The following HDGFL3 variants were observed in gnomAD, a reference collection of about 807,000 sequenced individuals.
HDGFL3 encodes HDGF like 3, also known as hepatoma-derived growth factor-related protein 3.
A neutral mutation model predicts 27.6 loss-of-function variants in HDGFL3; 6 were observed. The observed-to-expected ratio is 0.22, with a 90% confidence interval of 0.12 to 0.43. HDGFL3 has a LOEUF of 0.43. Among genes scored for constraint, HDGFL3 ranks in the 20% least tolerant of loss-of-function variants. The probability of loss-of-function intolerance (pLI) is 1.00; values close to 1 mark genes in which losing one functional copy is unlikely to be tolerated. For missense variants in HDGFL3, 207 were observed against 250.1 expected (o/e 0.83, Z 1.16); for synonymous variants, 88 against 88.9 (o/e 0.99, Z 0.05).
At chr15:83,181,711 A>C (rs1030444821) in intron 1 of HDGFL3, among the ~76,000 whole-genome samples, 7 of 152,188 alleles carry the variant, frequency 4.6e-5, no homozygotes, top group Non-Finnish European at 1.0e-4. Context: ...CCTGACCCCA[A>C]GTGATCTGCC....
downstream of HDGFL3, chr15:83,126,796 G>A (rs1356161754): frequency 5.6e-6 from 9 of 1,613,728 alleles, no homozygotes; most frequent in Non-Finnish European, 7.6e-6. Flanking sequence ...GATTATATAC[G>A]CAATTTCAAG....
At chr15:83,199,972 G>C (rs1188397095) in intron 1 of HDGFL3, among the ~76,000 whole-genome samples, 1 of 149,542 alleles carries the variant, frequency 6.7e-6, no homozygotes, top group East Asian at 2.0e-4. Flanking sequence ...TTAAACTCAG[G>C]AGGCAGAGGA....
intron 1 of HDGFL3, among the ~76,000 whole-genome samples, chr15:83,200,918 C>T (rs904060129): frequency 1.4e-5 from 2 of 146,172 alleles, no homozygotes; most frequent in Admixed American, 6.9e-5. Flanking sequence ...TGGTTATTTA[C>T]CAGACTAAAT....
chr15:83,173,198 C>T (rs563507277), intron 1 of HDGFL3, among the ~76,000 whole-genome samples: 1 of 152,314 alleles, frequency 6.6e-6, no homozygotes, highest in South Asian at 2.1e-4. Context: ...TATAATGTTG[C>T]TAAATTCATA....
At chr15:83,141,780 G>A (rs1265505536) in intron 5 of HDGFL3, among the ~76,000 whole-genome samples, 1 of 152,144 alleles carries the variant, frequency 6.6e-6, no homozygotes, top group Non-Finnish European at 1.5e-5. Context: ...GATGAGATAG[G>A]TAGTGATATT....
chr15:83,143,813 A>G (rs568443792), intron 5 of HDGFL3, among the ~76,000 whole-genome samples: 47 of 152,276 alleles, frequency 3.1e-4, no homozygotes, highest in African/African-American at 1.1e-3. Flanking sequence ...GCATGGCCAC[A>G]TGGTAAATCG....
intron 1 of HDGFL3, among the ~76,000 whole-genome samples, chr15:83,171,983 C>T (rs1266145386): frequency 6.6e-6 from 1 of 152,136 alleles, no homozygotes; most frequent in African/African-American, 2.4e-5. Flanking sequence ...TTAAATTTAT[C>T]AACAAAATAC....
intron 4 of HDGFL3, among the ~76,000 whole-genome samples, chr15:83,153,190 T>C (rs891851578): frequency 1.3e-5 from 2 of 151,762 alleles, no homozygotes; most frequent in Admixed American, 6.6e-5. Flanking sequence ...TTAGTAGAGA[T>C]GGGGTTTCAC....
chr15:83,191,935 CTT>C (rs749998701), intron 1 of HDGFL3, among the ~76,000 whole-genome samples: 9 of 106,700 alleles, frequency 8.4e-5, no homozygotes, highest in African/African-American at 2.6e-4. Context: ...CTTATCTCTC[CTT>C]TTTTTTTTTT....
intron 5 of HDGFL3, among the ~76,000 whole-genome samples, chr15:83,143,170 G>A (rs1049530865): frequency 6.6e-6 from 1 of 151,922 alleles, no homozygotes; most frequent in Admixed American, 6.5e-5. Flanking sequence ...ATGCCACCAC[G>A]CCCAGCTAAT....
At chr15:83,181,456 G>T (rs942164756) in intron 1 of HDGFL3, among the ~76,000 whole-genome samples, 1 of 152,064 alleles carries the variant, frequency 6.6e-6, no homozygotes, top group Non-Finnish European at 1.5e-5. Flanking sequence ...AAACCTCCAG[G>T]GTTTATCCTT....
exon 4 of HDGFL3, chr15:83,113,084 C>G (rs2034339822): frequency 1.7e-6 from 1 of 602,340 alleles, no homozygotes; most frequent in Non-Finnish European, 3.0e-6. Context: ...GCAGTGGACT[C>G]CACCCTCTCC....
At chr15:83,194,530 GATT>G (rs2151421063) in intron 1 of HDGFL3, among the ~76,000 whole-genome samples, 1 of 152,248 alleles carries the variant, frequency 6.6e-6, no homozygotes, top group Admixed American at 6.5e-5. Context: ...CACTTAAAAT[GATT>G]ATTAAGATGG....
chr15:83,115,423 C>A (rs2034568398), exon 4 of HDGFL3: 1 of 336,072 alleles, frequency 3.0e-6, no homozygotes, highest in Non-Finnish European at 5.8e-6. Flanking sequence ...CAGCCTGAAT[C>A]ATTGTCTTAA....
At chr15:83,140,107 T>C (rs2036738459) in intron 5 of HDGFL3, among the ~76,000 whole-genome samples, 1 of 152,202 alleles carries the variant, frequency 6.6e-6, no homozygotes, top group African/African-American at 2.4e-5. Flanking sequence ...TGAACATGTT[T>C]GTAAGCACAT....
chr15:83,140,478 A>T (rs1460325894), intron 5 of HDGFL3, among the ~76,000 whole-genome samples: 1 of 108,958 alleles, frequency 9.2e-6, no homozygotes, highest in Non-Finnish European at 1.7e-5. Context: ...TCAACCAAAG[A>T]AAGTTTTTTT....
intron 1 of HDGFL3, among the ~76,000 whole-genome samples, chr15:83,165,097 A>T (rs2037153519): frequency 6.6e-6 from 1 of 152,188 alleles, no homozygotes; most frequent in South Asian, 2.1e-4. Context: ...CTTACATAGA[A>T]ATGCTTTCTG....
chr15:83,169,554 C>A (rs909056040), intron 1 of HDGFL3, among the ~76,000 whole-genome samples: 1 of 151,494 alleles, frequency 6.6e-6, no homozygotes, highest in African/African-American at 2.4e-5. Flanking sequence ...GTAATCCCAG[C>A]ACTTTGGGAG....
intron 1 of HDGFL3, among the ~76,000 whole-genome samples, chr15:83,165,938 G>C (rs1161191447): frequency 1.3e-5 from 2 of 151,450 alleles, no homozygotes; most frequent in Admixed American, 6.6e-5. Flanking sequence ...CAGTCTTTGA[G>C]AAATACAGAA....
Sources: gnomAD v4.1 joint callset for allele counts (sites outside exome capture counted in the v4.1 genomes callset) on GRCh38, gnomAD v4.1.1 for gene constraint, MANE v1.5 for transcripts, NCBI Gene and HGNC (gene_info 2026-07-23, HGNC 2026-07-21) for gene names.